Variants in C12orf42 observed in about 807,000 individuals in gnomAD.
The protein encoded by C12orf42 is uncharacterized protein C12orf42.
C12orf42 carries 25 observed loss-of-function variants against 21.6 expected under a neutral mutation model. That is an observed-to-expected ratio of 1.16 (90% CI 0.84 to 1.62). C12orf42 has a LOEUF of 1.62. C12orf42 is among the 40% of genes most tolerant of loss of function. The pLI, the probability that C12orf42 is intolerant of heterozygous loss-of-function variation, is 0.00. For missense variants in C12orf42, 483 were observed against 459.3 expected (o/e 1.05, Z -0.47); for synonymous variants, 174 against 175.0 (o/e 0.99, Z 0.05).
At chr12:103,206,566 A>T in the C12orf42 span, among the ~76,000 whole-genome samples, 15,157 of 151,990 alleles carry the variant, frequency 0.1, 961 homozygotes, top group East Asian at 0.2. Flanking sequence ...AGTGACTTTC[A>T]TTCCTCACAG....
the C12orf42 span, chr12:103,550,796 A>G: frequency 1.3e-5 from 2 of 152,144 alleles, no homozygotes; most frequent in South Asian, 2.1e-4. Context: ...AATTATATGT[A>G]TCTTGCCTCA....
intron 4 of C12orf42, among the ~76,000 whole-genome samples, chr12:103,342,311 T>C (rs2042234805): frequency 6.6e-6 from 1 of 152,180 alleles, no homozygotes; most frequent in Non-Finnish European, 1.5e-5. Flanking sequence ...TTTTACACCA[T>C]CTAGTCTGGG....
At chr12:103,231,431 G>A in the C12orf42 span, among the ~76,000 whole-genome samples, 2 of 152,158 alleles carry the variant, frequency 1.3e-5, no homozygotes, top group African/African-American at 2.4e-5. Context: ...TAGTTTGACT[G>A]CCTTAAGAAT....
Position 103,277,197 on chromosome 12 carries a change from T to C in C12orf42, n.351A>G, listed in dbSNP as rs199700619. On this transcript the variant is annotated non_coding_transcript_exon_variant, in exon 5 of 7. Transcript: ENST00000546526. ...CTCCCTGTAATTTCTGTGTGGCCTG[T>C]CCATGGTGACTTCCTTTCAAAAAGT... The C allele has an allele frequency of 1.2e-3, 543 of 451,448 alleles. 3 individuals carry two copies. Among genetic ancestry groups the C allele is most frequent in the South Asian group, 1.9e-3 (118 of 63,608 alleles). The allele number at this position is 451,448 out of a possible 1,614,324, so 28.0% of individuals were successfully genotyped here.
At chr12:103,280,203 T>C (rs938934975) in intron 4 of C12orf42, among the ~76,000 whole-genome samples, 3 of 152,136 alleles carry the variant, frequency 2.0e-5, no homozygotes, top group African/African-American at 7.2e-5. Flanking sequence ...GCTTTACAGA[T>C]TAGGTGATTT....
At chr12:103,297,247 G>A (rs1291153999), downstream of C12orf42, among the ~76,000 whole-genome samples, 1 of 152,144 alleles carries the variant, frequency 6.6e-6, no homozygotes. Flanking sequence ...GTACCATGCT[G>A]TTTTGGTTAC....
the C12orf42 span, among the ~76,000 whole-genome samples, chr12:103,116,263 C>A: frequency 6.6e-6 from 1 of 151,668 alleles, no homozygotes; most frequent in African/African-American, 2.4e-5. Context: ...ACTCGGGAGG[C>A]TGAGGCGGGA....
chr12:103,049,231 C>T, the C12orf42 span, among the ~76,000 whole-genome samples: 18 of 152,130 alleles, frequency 1.2e-4, no homozygotes, highest in East Asian at 1.9e-4. Flanking sequence ...CTTCCAAATC[C>T]GCTCCTCTCA....
the C12orf42 span, among the ~76,000 whole-genome samples, chr12:103,514,898 T>C: frequency 1.3e-5 from 2 of 152,226 alleles, no homozygotes; most frequent in South Asian, 4.1e-4. Flanking sequence ...ATAGTGGTTC[T>C]CAATTCTCAG....
intron 2 of C12orf42, among the ~76,000 whole-genome samples, chr12:103,435,335 G>A (rs1022672580): frequency 1.6e-4 from 24 of 152,206 alleles, no homozygotes; most frequent in African/African-American, 1.2e-4. Flanking sequence ...ATTCTAAAAC[G>A]CAGAGTGCCT....
At chr12:103,078,226 C>G in the C12orf42 span, among the ~76,000 whole-genome samples, 4 of 152,154 alleles carry the variant, frequency 2.6e-5, no homozygotes, top group Non-Finnish European at 5.9e-5. Flanking sequence ...TCCTCACCAT[C>G]TTAATAATTG....
the C12orf42 span, among the ~76,000 whole-genome samples, chr12:103,165,285 G>T: frequency 1.3e-5 from 2 of 152,172 alleles, no homozygotes; most frequent in African/African-American, 4.8e-5. Flanking sequence ...GTGGGAAACC[G>T]GGCAGGCACT....
chr12:103,432,771 A>C (rs1316453999), intron 2 of C12orf42, among the ~76,000 whole-genome samples: 2 of 152,208 alleles, frequency 1.3e-5, no homozygotes, highest in Non-Finnish European at 2.9e-5. Flanking sequence ...GTTAGGACAC[A>C]GATACACACA....
chr12:103,273,767 A>G lies in C12orf42; in HGVS notation n.398+3383T>C, dbSNP rs1364733182. The stretch of plus-strand genomic sequence containing the variant: ...GGAGGAGGAGAAAGAGAAGAGAAAG[A>G]GAAAGAGAAGCACTTGTCTTTTACC... On this transcript the variant is annotated intron_variant and non_coding_transcript_variant, in intron 5 of 6. Transcript: ENST00000546526. The G allele has an allele frequency of 6.8e-6, 3 of 442,118 alleles. No individual in the cohort carries two copies. In the East Asian group the frequency reaches 2.1e-4, roughly 31 times the overall value. 27.4% of individuals were successfully genotyped at this position (442,118 alleles called of 1,614,324 possible). A position where few individuals can be genotyped will look rare whatever the true frequency, so the allele number is the denominator to read the frequency against.
chr12:103,307,584 G>A (rs948769700), intron 4 of C12orf42, among the ~76,000 whole-genome samples: 3 of 152,144 alleles, frequency 2.0e-5, no homozygotes, highest in Admixed American at 2.0e-4. Flanking sequence ...CACTGGTGAT[G>A]GTGGCCTGGA....
chr12:103,477,132 T>A (rs1309329993), intron 2 of C12orf42: 1 of 152,252 alleles, frequency 6.6e-6, no homozygotes, highest in Non-Finnish European at 1.5e-5. Flanking sequence ...TGGCCAAGTT[T>A]CTACCCTAAA....
the C12orf42 span, among the ~76,000 whole-genome samples, chr12:103,208,827 C>G: frequency 6.6e-6 from 1 of 152,142 alleles, no homozygotes; most frequent in Non-Finnish European, 1.5e-5. Flanking sequence ...ATGCTAAATT[C>G]TGTGTGATGT....
intron 2 of C12orf42, among the ~76,000 whole-genome samples, chr12:103,403,000 G>T (rs1219379596): frequency 1.3e-5 from 2 of 152,158 alleles, no homozygotes; most frequent in Non-Finnish European, 2.9e-5. Flanking sequence ...CTCTCATGAG[G>T]TCTAGAAAAT....
chr12:103,104,163 G>A, the C12orf42 span, among the ~76,000 whole-genome samples: 1 of 152,164 alleles, frequency 6.6e-6, no homozygotes, highest in East Asian at 1.9e-4. Context: ...ATCTGTATAA[G>A]TAAGATTACC....
Sources: gnomAD v4.1 joint callset for allele counts (sites outside exome capture counted in the v4.1 genomes callset) on GRCh38, gnomAD v4.1.1 for gene constraint, MANE v1.5 for transcripts, NCBI Gene and HGNC (gene_info 2026-07-23, HGNC 2026-07-21) for gene names.